SRRM3: variants seen among roughly 807,000 people sequenced by gnomAD.
SRRM3 encodes serine/arginine repetitive matrix 3.
Under a neutral mutation model 66.2 loss-of-function variants are expected in SRRM3, and 27 were observed. The observed-to-expected ratio is 0.41, with a 90% CI of 0.30 to 0.56. The LOEUF is 0.56. Among genes scored for constraint, SRRM3 ranks in the 20% least tolerant of loss-of-function variants. SRRM3 has a pLI of 0.32. For missense variants in SRRM3, 918 were observed against 991.9 expected, an observed-to-expected ratio of 0.93 and a Z score of 1.00; for synonymous variants, 391 against 414.9, an observed-to-expected ratio of 0.94 and a Z score of 0.70.
At chr7:76,207,511 G>A (rs541448386) in intron 1 of SRRM3, among the ~76,000 whole-genome samples, 2 of 152,256 alleles carry the variant, frequency 1.3e-5, no homozygotes, top group Non-Finnish European at 2.9e-5. Context: ...CCAGGAACAT[G>A]CTGCTGGAGG....
intron 10 of SRRM3, among the ~76,000 whole-genome samples, chr7:76,265,849 TATATA>T (rs1202999329): frequency 0.019 from 199 of 10,612 alleles, 8 homozygotes; most frequent in East Asian, 0.041. Context: ...TATATATATA[TATATA>T]TATATTTTTT....
chr7:76,258,248 A>C (rs1473578183), intron 3 of SRRM3, among the ~76,000 whole-genome samples: 1 of 152,086 alleles, frequency 6.6e-6, no homozygotes, highest in African/African-American at 2.4e-5. Flanking sequence ...AGAGGCTATG[A>C]ATATTTCAGC....
intron 3 of SRRM3, among the ~76,000 whole-genome samples, chr7:76,251,886 A>AACCC (rs1472181758): frequency 6.6e-6 from 1 of 151,768 alleles, no homozygotes; most frequent in African/African-American, 2.4e-5. Flanking sequence ...AACACGGTGA[A>AACCC]ACCCCCATCT....
chr7:76,235,253 G>T lies in SRRM3; in HGVS notation c.187G>T (p.Val63Leu). The change falls in exon 2 of 15, where the codon GTG becomes TTG. Residue 63 changes from valine (V) to leucine (L), a missense_variant. Coordinates refer to ENST00000611745, the MANE Select transcript of SRRM3 (RefSeq NM_001110199.3). ...CCTGGACCACGAGCGCAAGCGGCGG[G>T]TGGAGCTCAAGTGCATGGAGCTGCA... is the stretch of plus-strand genomic sequence containing the variant. ...EILDHERKRR[V>L]ELKCMELQEM... is the part of the protein sequence containing the mutation. The T allele has an allele frequency of 1.3e-6, 2 of 1,545,476 alleles. No individual in the cohort carries two copies. The highest frequency in any genetic ancestry group is 1.7e-6 in the Non-Finnish European group (2 of 1,153,670).
intron 1 of SRRM3, among the ~76,000 whole-genome samples, chr7:76,206,865 C>T (rs1287875518): frequency 2.0e-5 from 3 of 152,204 alleles, no homozygotes; most frequent in Non-Finnish European, 2.9e-5. Flanking sequence ...GCTGTGCCGG[C>T]GGAAGCTGAC....
chr7:76,209,780 T>C (rs1440822391), intron 1 of SRRM3, among the ~76,000 whole-genome samples: 1 of 152,106 alleles, frequency 6.6e-6, no homozygotes, highest in Non-Finnish European at 1.5e-5. Context: ...AATTTTTTAA[T>C]GTTTTTTTAG....
chr7:76,239,845 C>A (rs1047079762), intron 2 of SRRM3, among the ~76,000 whole-genome samples: 1 of 152,114 alleles, frequency 6.6e-6, no homozygotes, highest in Non-Finnish European at 1.5e-5. Flanking sequence ...GCCTGGGCAA[C>A]ATAGGGAGAC....
chr7:76,236,005 C>CAAAAAAAAAAAAAAAAAAAAAAAAA (rs1161706465), intron 2 of SRRM3, among the ~76,000 whole-genome samples: 1 of 20,274 alleles, frequency 4.9e-5, no homozygotes, highest in African/African-American at 1.6e-4. Flanking sequence ...GATTCTGTCT[C>CAAAAAAAAAAAAAAAAAAAAAAAAA]AAAAAAAAAA....
In SRRM3 at chr7:76,267,304, C is replaced by T; in HGVS notation, c.877C>T (p.Arg293Trp). 1 of 1,553,056 alleles carries T rather than the reference C, an allele frequency of 6.4e-7. No homozygotes were observed. Among genetic ancestry groups the T allele is most frequent in the Middle Eastern group, 1.7e-4 (1 of 5,874 alleles). ...CGAAGGGCGAAAGACGGGCAGCCAG[C>T]GGTCCAGCGGAAGCCGGTCGCCTTC... ...RDEGRKTGSQ[R>W]SSGSRSPSPS... is the part of the protein sequence containing the mutation. The change falls in exon 11 of 15, where the codon CGG (arginine) becomes TGG (tryptophan). Residue 293 changes from arginine (R) to tryptophan (W), a missense_variant. Transcript: ENST00000611745.
In SRRM3 at chr7:76,264,945, TAGAA is replaced by T. The variant is rs1272913335; in HGVS notation, c.725+137_725+140del. The T allele has an allele frequency of 8.5e-6, 9 of 1,059,682 alleles. No individual in the cohort carries two copies. The Middle Eastern group carries it at 6.2e-4, about 73-fold the overall frequency. The allele number at this position is 1,059,682 out of a possible 1,614,324, so 65.6% of individuals were successfully genotyped here. ...TTGCCCAGATGGAAAAATTAAGATCTAGAAAGAAAGCCAAGGGCTCTTGCTGAGT... is the reference window on the plus strand; with the variant it reads ...TTGCCCAGATGGAAAAATTAAGATCTAGAAAGCCAAGGGCTCTTGCTGAGT... On this transcript the variant is annotated intron_variant, in intron 9 of 14. Coordinates refer to ENST00000611745, the MANE Select transcript of SRRM3 (RefSeq NM_001110199.3).
chr7:76,282,660 GC>G lies in SRRM3; in HGVS notation c.1388del (p.Pro463ArgfsTer136), dbSNP rs1554612120. The G allele has an allele frequency of 3.6e-6, 5 of 1,403,924 alleles. No homozygotes were observed. The highest frequency in any genetic ancestry group is 3.1e-5 in the South Asian group (2 of 65,144). The allele number at this position is 1,403,924 out of a possible 1,614,324, so 87.0% of individuals were successfully genotyped here. On this transcript the variant is annotated frameshift_variant, in exon 13 of 15. Coordinates refer to ENST00000611745, the MANE Select transcript of SRRM3 (RefSeq NM_001110199.3). LOFTEE classifies it high-confidence loss of function. Reference sequence around the variant, plus strand: ...CTCCCTCCTCCAGGGCCAAGGAGCGGCCCCCGCGCGCGCGGCCCGCCAGCAC... The same window carrying G: ...CTCCCTCCTCCAGGGCCAAGGAGCGGCCCCGCGCGCGCGGCCCGCCAGCAC... ...GGHGKRAKER[P>X]PRARPASTSP...
At chr7:76,204,180 G>A (rs545168406) in intron 1 of SRRM3, among the ~76,000 whole-genome samples, 6 of 152,168 alleles carry the variant, frequency 3.9e-5, no homozygotes, top group Admixed American at 3.3e-4. Context: ...AGCTACTAGC[G>A]CTGCTGGGGT....
chr7:76,261,415 G>T lies in SRRM3; in HGVS notation c.638+1G>T, dbSNP rs910914713. On this transcript the variant is annotated splice_donor_variant, in intron 7 of 14. Coordinates refer to ENST00000611745, the MANE Select transcript of SRRM3 (RefSeq NM_001110199.3). LOFTEE classifies it high-confidence loss of function. The stretch of plus-strand genomic sequence containing the variant: ...GTGTGAAGAAGCATCGCCGAGACAG[G>T]TACCCTTGCTGCCCCCACCCTGGGG... The T allele has an allele frequency of 8.1e-6, 13 of 1,605,986 alleles. No individual in the cohort carries two copies. In the Admixed American group the frequency reaches 1.7e-4, roughly 21 times the overall value.
chr7:76,281,426 C>T lies in SRRM3; in HGVS notation c.1009-15C>T. 8.1e-7 allele frequency: 1 copy of T among 1,232,244 alleles called. No homozygotes were observed. The highest frequency in any genetic ancestry group is 4.1e-5 in the South Asian group (1 of 24,380). 76.3% of individuals were successfully genotyped at this position (1,232,244 alleles called of 1,614,324 possible). On this transcript the variant is annotated splice_polypyrimidine_tract_variant and intron_variant, in intron 11 of 14. Coordinates refer to ENST00000611745, the MANE Select transcript of SRRM3 (RefSeq NM_001110199.3). The stretch of plus-strand genomic sequence containing the variant: ...TCTCCCCCCTCCGTGCCCTGTCTGC[C>T]TCTCTCCCCGTCAGAAGCCCAGCTC...
At chr7:76,282,008 C>T (rs1802528803) in intron 12 of SRRM3, among the ~76,000 whole-genome samples, 2 of 127,420 alleles carry the variant, frequency 1.6e-5, no homozygotes, top group African/African-American at 5.9e-5. Context: ...CTGAACTACC[C>T]CCCACGGATC....
chr7:76,285,705 C>T lies in SRRM3; in HGVS notation c.1824C>T (p.Ser608=), dbSNP rs200880900. 1.8e-3 allele frequency: 2,850 copies of T among 1,550,982 alleles called. 44 individuals are homozygous for T. The highest frequency in any genetic ancestry group is 6.3e-3 in the African/African-American group (461 of 73,166). The change falls in exon 15 of 15, where the codon AGC becomes AGT. Residue 608 remains serine (S), a synonymous_variant. Transcript: ENST00000611745. This position sits in a 1 kb window ranked among gnomAD's most constrained non-coding sequence, Gnocchi z 4.1. The part of the protein sequence containing the change: ...LSSDYSTRSH[S]RSPSPGHSHG... Reference sequence around the variant, plus strand: ...GCGACTACTCGACCCGGAGCCACAGCCGCAGCCCCAGCCCCGGCCACAGCC... The same window carrying T: ...GCGACTACTCGACCCGGAGCCACAGTCGCAGCCCCAGCCCCGGCCACAGCC...
intron 1 of SRRM3, 41 bp downstream of exon 1, chr7:76,202,108 T>G (rs1800160528): frequency 6.6e-6 from 1 of 152,154 alleles, no homozygotes; most frequent in Admixed American, 6.5e-5. Flanking sequence ...CCCGAGGGGC[T>G]GGGGCTGGGT....
intron 11 of SRRM3, among the ~76,000 whole-genome samples, chr7:76,276,086 AT>A (rs546282903): frequency 1.9e-3 from 185 of 97,098 alleles, no homozygotes; most frequent in African/African-American, 0.015. Context: ...ATCTCAAAAA[AT>A]ATATATATAT....
chr7:76,266,670 T>A (rs991548654), intron 10 of SRRM3, among the ~76,000 whole-genome samples: 22 of 134,106 alleles, frequency 1.6e-4, no homozygotes, highest in African/African-American at 5.6e-4. Flanking sequence ...TTATATATAT[T>A]TATATATATA....
Sources: allele counts gnomAD v4.1 joint callset (sites outside exome capture counted in the v4.1 genomes callset), GRCh38; gene constraint gnomAD v4.1.1; non-coding constraint Gnocchi (gnomAD v3.1); transcripts MANE v1.5; gene names NCBI Gene and HGNC (gene_info 2026-07-23, HGNC 2026-07-21).